Variants in BRIP1 observed in about 807,000 individuals in gnomAD.
The protein encoded by BRIP1 is BRCA1 interacting DNA helicase 1.
BRIP1 carries 88 observed loss-of-function variants against 119.7 expected under a neutral mutation model. That is an observed-to-expected ratio of 0.74 (90% CI 0.62 to 0.88). The LOEUF (loss-of-function observed/expected upper bound fraction) is 0.88, where lower values mean the gene tolerates loss of function less well. Ranked by LOEUF, BRIP1 falls within the 40% of genes least tolerant of loss-of-function variation. BRIP1 has a pLI of 0.00. For synonymous variants in BRIP1, 443 were observed against 496.5 expected (o/e 0.89, Z 1.43); for missense variants, 1,259 against 1,455.4 (o/e 0.87, Z 2.20).
chr17:61,797,314 T>A (rs1221888909), intron 9 of BRIP1, among the ~76,000 whole-genome samples: 1 of 151,436 alleles, frequency 6.6e-6, no homozygotes, highest in African/African-American at 2.4e-5. Flanking sequence ...TAAAAAAAAA[T>A]GGACTGTGAG....
rs1231341783 is a variant in BRIP1, at chr17:61,699,116, C to CA, written c.2493-5605dup. ...CCAGCTCTCTTTTGTTTACTATTTGCATGGTATGTCTTTTCCCATCATTTT... is the reference window on the plus strand; with the variant it reads ...CCAGCTCTCTTTTGTTTACTATTTGCAATGGTATGTCTTTTCCCATCATTTT... On this transcript the variant is annotated intron_variant, in intron 17 of 19. Transcript: ENST00000259008. This position sits in a 1 kb window ranked among gnomAD's most constrained non-coding sequence, Gnocchi z 4.8. Among the ~76,000 whole-genome samples the CA allele has an allele frequency of 2.1e-4, 32 of 152,118 alleles. No individual in the cohort carries two copies. Among genetic ancestry groups the CA allele is most frequent in the African/African-American group, 7.7e-4 (32 of 41,436 alleles).
intron 14 of BRIP1, among the ~76,000 whole-genome samples, chr17:61,750,652 A>C (rs2077119791): frequency 6.6e-6 from 1 of 152,096 alleles, no homozygotes; most frequent in Admixed American, 6.5e-5. Flanking sequence ...AACAACGAAA[A>C]AACCAAACAG....
At position 61,845,423 on chromosome 17, in the gene BRIP1, T is replaced by C. The variant is rs965103900; in HGVS notation, c.627+1678A>G. ...TAATATTTAGTTCGCTGAGTTTAAG[T>C]TCATTGAGTTTTACAGATCTTACAA... On this transcript the variant is annotated intron_variant, in intron 6 of 19. Coordinates refer to ENST00000259008, the MANE Select transcript of BRIP1 (RefSeq NM_032043.3). The surrounding 1 kb of genome is among the most constrained non-coding windows in gnomAD (Gnocchi z 4.2). Among the ~76,000 whole-genome samples, 1 of 152,190 alleles carries C rather than the reference T, an allele frequency of 6.6e-6. No homozygotes were observed. The highest frequency in any genetic ancestry group is 2.4e-5 in the African/African-American group (1 of 41,442).
At chr17:61,847,299 C>T in intron 5 of BRIP1, 79 bp from the exon 6 acceptor site, 3 of 1,490,058 alleles carry the variant, frequency 2.0e-6, no homozygotes, top group East Asian at 2.3e-5. Flanking sequence ...GCCAAAACAG[C>T]TCTATGTATT....
Position 61,767,260 on chromosome 17 carries a change from G to T in BRIP1, c.2097+9141C>A, listed in dbSNP as rs140024193. Among the ~76,000 whole-genome samples, 360 of 152,044 alleles carry T rather than the reference G, an allele frequency of 2.4e-3. 1 individual carries two copies. The highest frequency in any genetic ancestry group is 0.017 in the Middle Eastern group (5 of 294). On this transcript the variant is annotated intron_variant, in intron 14 of 19. Transcript: ENST00000259008. This position sits in a 1 kb window ranked among gnomAD's most constrained non-coding sequence, Gnocchi z 5.7. ...GGAAGAAATGACCACTAAAATGTATGGTTTGAAAAACTTTAGACATATATT... is the reference window on the plus strand; with the variant it reads ...GGAAGAAATGACCACTAAAATGTATTGTTTGAAAAACTTTAGACATATATT...
chr17:61,858,326 C>A (rs1041547586), intron 3 of BRIP1, among the ~76,000 whole-genome samples: 1 of 151,790 alleles, frequency 6.6e-6, no homozygotes, highest in Non-Finnish European at 1.5e-5. Context: ...CCAAAATTAA[C>A]GTCAGTGAGA....
Position 61,780,821 on chromosome 17 carries a change from A to G in BRIP1, c.1794+19T>C, listed in dbSNP as rs752328575. On this transcript the variant is annotated intron_variant, in intron 12 of 19. Transcript: ENST00000259008. The surrounding 1 kb of genome is among the most constrained non-coding windows in gnomAD (Gnocchi z 5.4). ...TACTGAGCAAGAAGACAAAATTTCC[A>G]TTTACATGATGAGCTTACCACAGCT... 46 of 1,612,392 alleles carry G rather than the reference A, an allele frequency of 2.9e-5. No individual in the cohort carries two copies. The highest frequency in any genetic ancestry group is 1.6e-4 in the Middle Eastern group (1 of 6,080).
In BRIP1 at chr17:61,861,433, T is replaced by G. The variant is rs772268710; in HGVS notation, c.93+14A>C. 1 of 1,578,366 alleles carries G rather than the reference T, an allele frequency of 6.3e-7. No homozygotes were observed. The highest frequency in any genetic ancestry group is 1.7e-4 in the Middle Eastern group (1 of 5,974). On this transcript the variant is annotated intron_variant, in intron 2 of 19. Transcript: ENST00000259008. The surrounding 1 kb of genome is among the most constrained non-coding windows in gnomAD (Gnocchi z 4.5). ...TATATCTTAATAAAAACTTAACTGC[T>G]GAAAAATACTTACAGAATTCATCAT...
chr17:61,847,780 C>T (rs528231452), intron 5 of BRIP1, among the ~76,000 whole-genome samples: 49 of 152,250 alleles, frequency 3.2e-4, no homozygotes, highest in South Asian at 6.2e-4. Flanking sequence ...TGTATCCATG[C>T]TTTTCCTATT....
rs1163457412 is a variant in BRIP1, at chr17:61,740,108, G to C, written c.2379+2905C>G. Among the ~76,000 whole-genome samples, 4 of 152,024 alleles carry C rather than the reference G, an allele frequency of 2.6e-5. No homozygotes were observed. The highest frequency in any genetic ancestry group is 5.9e-5 in the Non-Finnish European group (4 of 68,034). ...ACTCCATTATCCCAGTTCTCTGCTT[G>C]GGTATAATTTCCTGACCACAGCACA... On this transcript the variant is annotated intron_variant, in intron 16 of 19. Coordinates refer to ENST00000259008, the MANE Select transcript of BRIP1 (RefSeq NM_032043.3). The surrounding 1 kb of genome is among the most constrained non-coding windows in gnomAD (Gnocchi z 5.4).
rs368483907 is a variant in BRIP1 at position 61,734,111 on chromosome 17, C to T, written c.2379+8902G>A. Among the ~76,000 whole-genome samples the T allele has an allele frequency of 8.3e-4, 127 of 152,104 alleles. 1 individual carries two copies. Among genetic ancestry groups the T allele is most frequent in the African/African-American group, 2.8e-3 (116 of 41,504 alleles). ...ATTTTAAAACCTAAATATATTTGTA[C>T]CTTATCATATCTCACAAACTATGTC... is the stretch of plus-strand genomic sequence containing the variant. On this transcript the variant is annotated intron_variant, in intron 16 of 19. Transcript: ENST00000259008. The surrounding 1 kb of genome is among the most constrained non-coding windows in gnomAD (Gnocchi z 5.2).
At position 61,730,603 on chromosome 17, in the gene BRIP1, A is replaced by G. The variant is rs1459684117; in HGVS notation, c.2379+12410T>C. ...TCTCACCAAAAATAAGATGAACACA[A>G]GAAAATAACTTCAGAATTGTTCAAA... On this transcript the variant is annotated intron_variant, in intron 16 of 19. Transcript: ENST00000259008. The surrounding 1 kb of genome is among the most constrained non-coding windows in gnomAD (Gnocchi z 4.3). Among the ~76,000 whole-genome samples, 1 of 152,228 alleles carries G rather than the reference A, an allele frequency of 6.6e-6. No homozygotes were observed. The highest frequency in any genetic ancestry group is 1.5e-5 in the Non-Finnish European group (1 of 68,032).
In BRIP1 at chr17:61,805,081, T is replaced by C. The variant is rs1326623490; in HGVS notation, c.918+3386A>G. ...ACACACACATATATATGCATATATA[T>C]AATCTTTACATGTATTTTTATCTAT... On this transcript the variant is annotated intron_variant, in intron 7 of 19. Coordinates refer to ENST00000259008, the MANE Select transcript of BRIP1 (RefSeq NM_032043.3). This position sits in a 1 kb window ranked among gnomAD's most constrained non-coding sequence, Gnocchi z 5.6. 6.6e-6 allele frequency among the ~76,000 whole-genome samples: 1 copy of C among 152,050 alleles called. No individual in the cohort carries two copies. Among genetic ancestry groups the C allele is most frequent in the Non-Finnish European group, 1.5e-5 (1 of 67,996 alleles).
Position 61,775,224 on chromosome 17 carries a change from T to C in BRIP1, c.2097+1177A>G, listed in dbSNP as rs1293610287. On this transcript the variant is annotated intron_variant, in intron 14 of 19. Coordinates refer to ENST00000259008, the MANE Select transcript of BRIP1 (RefSeq NM_032043.3). This position sits in a 1 kb window ranked among gnomAD's most constrained non-coding sequence, Gnocchi z 4.4. ...GTTCACACTGGAATAAATCTTGTTT[T>C]CCATTAAGAATTTTAAAAAATGTTT... Among the ~76,000 whole-genome samples the C allele has an allele frequency of 6.6e-6, 1 of 152,044 alleles. No individual in the cohort carries two copies. Among genetic ancestry groups the C allele is most frequent in the Admixed American group, 6.5e-5 (1 of 15,278 alleles).
rs1244699356 is a variant in BRIP1 at position 61,760,932 on chromosome 17, G to A, written c.2097+15469C>T. ...CCAGCATTATCACCCTGATACCAAG[G>A]CCAGATAAGGACAATACAAGAAAAG... On this transcript the variant is annotated intron_variant, in intron 14 of 19. Coordinates refer to ENST00000259008, the MANE Select transcript of BRIP1 (RefSeq NM_032043.3). This position sits in a 1 kb window ranked among gnomAD's most constrained non-coding sequence, Gnocchi z 4.6. Among the ~76,000 whole-genome samples, 1 of 151,794 alleles carries A rather than the reference G, an allele frequency of 6.6e-6. No individual in the cohort carries two copies. The highest frequency in any genetic ancestry group is 1.5e-5 in the Non-Finnish European group (1 of 67,830).
Position 61,808,235 on chromosome 17 carries a change from G to T in BRIP1, c.918+232C>A, listed in dbSNP as rs1171049646. ...GAAACTAAGATGTCTGACTACAACA[G>T]AAATTAATTTCAAGGAATTAAATAT... is the stretch of plus-strand genomic sequence containing the variant. On this transcript the variant is annotated intron_variant, in intron 7 of 19. Transcript: ENST00000259008. This position sits in a 1 kb window ranked among gnomAD's most constrained non-coding sequence, Gnocchi z 4.1. Among the ~76,000 whole-genome samples the T allele has an allele frequency of 6.6e-6, 1 of 152,042 alleles. No homozygotes were observed. Among genetic ancestry groups the T allele is most frequent in the Non-Finnish European group, 1.5e-5 (1 of 67,968 alleles).
intron 14 of BRIP1, among the ~76,000 whole-genome samples, chr17:61,764,501 G>A (rs138551394): frequency 2.0e-5 from 3 of 152,200 alleles, no homozygotes; most frequent in Non-Finnish European, 2.9e-5. Context: ...TCAAGTTAAC[G>A]TCCCTCCTGA....
chr17:61,780,045 T>C lies in BRIP1; in HGVS notation c.1935+216A>G, dbSNP rs1231885117. Among the ~76,000 whole-genome samples the C allele has an allele frequency of 6.6e-6, 1 of 152,214 alleles. No individual in the cohort carries two copies. The highest frequency in any genetic ancestry group is 1.5e-5 in the Non-Finnish European group (1 of 68,016). On this transcript the variant is annotated intron_variant, in intron 13 of 19. Transcript: ENST00000259008. This position sits in a 1 kb window ranked among gnomAD's most constrained non-coding sequence, Gnocchi z 5.4. Reference sequence around the variant, plus strand: ...CTAAAACTTACTTAGAAGAAGAAGCTGAAATACAGCCTTTTGCATCCCAAG... The same window carrying C: ...CTAAAACTTACTTAGAAGAAGAAGCCGAAATACAGCCTTTTGCATCCCAAG...
In BRIP1 at chr17:61,832,891, G is replaced by A. The variant is rs1362850534; in HGVS notation, c.627+14210C>T. On this transcript the variant is annotated intron_variant, in intron 6 of 19. Transcript: ENST00000259008. This position sits in a 1 kb window ranked among gnomAD's most constrained non-coding sequence, Gnocchi z 5.5. ...AGAATGTCTTTGCTTATAAGACATA[G>A]ACACTAAAGTATTTCAGGGTGAGGG... 1.3e-5 allele frequency among the ~76,000 whole-genome samples: 2 copies of A among 152,116 alleles called. No individual in the cohort carries two copies. Among genetic ancestry groups the A allele is most frequent in the African/African-American group, 4.8e-5 (2 of 41,398 alleles).
Sources: allele counts gnomAD v4.1 joint callset (sites outside exome capture counted in the v4.1 genomes callset), GRCh38; gene constraint gnomAD v4.1.1; non-coding constraint Gnocchi (gnomAD v3.1); transcripts MANE v1.5; gene names NCBI Gene and HGNC (gene_info 2026-07-23, HGNC 2026-07-21).